The following RPS6KC1 variants were observed in gnomAD, a reference collection of about 807,000 sequenced individuals.
RPS6KC1 encodes the protein ribosomal protein S6 kinase C1.
Under a neutral mutation model 103.8 loss-of-function variants are expected in RPS6KC1, and 54 were observed. That is an observed-to-expected ratio of 0.52 (90% CI 0.42 to 0.65). The LOEUF is 0.65. RPS6KC1 is among the 30% of genes least tolerant of loss of function. RPS6KC1 has a pLI of 0.00. For missense variants in RPS6KC1, 1,151 were observed against 1,253.8 expected, an observed-to-expected ratio of 0.92 and a Z score of 1.24; for synonymous variants, 439 against 438.7, an observed-to-expected ratio of 1.00 and a Z score of -0.01.
chr1:213,695,634 A>G, the RPS6KC1 span, among the ~76,000 whole-genome samples: 3 of 152,226 alleles, frequency 2.0e-5, no homozygotes, highest in Non-Finnish European at 4.4e-5. Context: ...TCAGCATTCT[A>G]TTCCAGGACT....
chr1:213,507,154 C>T, the RPS6KC1 span, among the ~76,000 whole-genome samples: 1 of 152,238 alleles, frequency 6.6e-6, no homozygotes, highest in Middle Eastern at 3.4e-3. Context: ...TGAGTAACTT[C>T]CACAAGTACA....
chr1:213,372,920 T>C, the RPS6KC1 span, among the ~76,000 whole-genome samples: 1 of 152,178 alleles, frequency 6.6e-6, no homozygotes, highest in African/African-American at 2.4e-5. Flanking sequence ...CTCTCTCCTC[T>C]TGTTGCTTGA....
At chr1:213,383,283 C>T in the RPS6KC1 span, among the ~76,000 whole-genome samples, 2 of 152,212 alleles carry the variant, frequency 1.3e-5, no homozygotes, top group Admixed American at 1.3e-4. Flanking sequence ...GAGTCATGTG[C>T]AACCTTCCTG....
chr1:213,203,939 C>A (rs1460600417), intron 8 of RPS6KC1, among the ~76,000 whole-genome samples: 1 of 152,178 alleles, frequency 6.6e-6, no homozygotes, highest in Non-Finnish European at 1.5e-5. Context: ...AGAGCATGGT[C>A]TCAAATAAGT....
chr1:213,576,407 G>A, the RPS6KC1 span, among the ~76,000 whole-genome samples: 16 of 141,580 alleles, frequency 1.1e-4, no homozygotes, highest in African/African-American at 2.6e-4. Flanking sequence ...AAGGTTTTTC[G>A]CAACCCTGAC....
chr1:213,704,940 T>A, the RPS6KC1 span, among the ~76,000 whole-genome samples: 1 of 152,242 alleles, frequency 6.6e-6, no homozygotes, highest in African/African-American at 2.4e-5. Context: ...GCAGAGACTC[T>A]TGTTCTCTTC....
Position 213,051,493 on chromosome 1 carries a change from A to G in RPS6KC1, c.89A>G (p.Tyr30Cys). The G allele has an allele frequency of 5.0e-6, 8 of 1,612,526 alleles. No individual in the cohort carries two copies. Among genetic ancestry groups the G allele is most frequent in the Non-Finnish European group, 6.8e-6 (8 of 1,179,138 alleles). ...PQRHPRGYTV[Y>C]KVTARVVSRR... ...CGACACCCGAGGGGCTACACAGTAT[A>G]TAAGGTCACCGCCCGGGTGAGTGCC... The change falls in exon 1 of 15, where the codon TAT becomes TGT. Residue 30 changes from tyrosine (Y) to cysteine (C), a missense_variant. By Grantham distance (194) the Tyr-to-Cys change is radical. Coordinates refer to ENST00000366960, the MANE Select transcript of RPS6KC1 (RefSeq NM_012424.6).
At chr1:213,314,321 G>A in the RPS6KC1 span, among the ~76,000 whole-genome samples, 1 of 152,156 alleles carries the variant, frequency 6.6e-6, no homozygotes, top group East Asian at 1.9e-4. Flanking sequence ...AGGTACCAGA[G>A]GTTAGGACTT....
the RPS6KC1 span, among the ~76,000 whole-genome samples, chr1:213,454,620 GGT>G: frequency 6.6e-6 from 1 of 151,794 alleles, no homozygotes; most frequent in Non-Finnish European, 1.5e-5. Flanking sequence ...TTCCTTTTTT[GGT>G]GTGTGTGTGT....
chr1:213,515,095 ATTTG>A, the RPS6KC1 span, among the ~76,000 whole-genome samples: 3 of 152,034 alleles, frequency 2.0e-5, no homozygotes, highest in Non-Finnish European at 2.9e-5. Context: ...TTTCTTGTAA[ATTTG>A]TTTGAGTTCA....
At chr1:213,635,128 T>C in the RPS6KC1 span, among the ~76,000 whole-genome samples, 35 of 152,136 alleles carry the variant, frequency 2.3e-4, no homozygotes, top group South Asian at 2.1e-3. Context: ...AGGCAATAAT[T>C]AAGAGCCTAC....
chr1:213,738,373 A>G, the RPS6KC1 span, among the ~76,000 whole-genome samples: 1 of 152,208 alleles, frequency 6.6e-6, no homozygotes, highest in African/African-American at 2.4e-5. Flanking sequence ...AGAAACAAAC[A>G]TACAAGAATT....
At chr1:213,824,381 C>T in the RPS6KC1 span, among the ~76,000 whole-genome samples, 1 of 152,202 alleles carries the variant, frequency 6.6e-6, no homozygotes, top group African/African-American at 2.4e-5. Context: ...AGCTTAGCTC[C>T]ATCTGGTAAA....
the RPS6KC1 span, among the ~76,000 whole-genome samples, chr1:213,333,928 C>T: frequency 0.037 from 5,689 of 152,242 alleles, 357 homozygotes; most frequent in African/African-American, 0.13. Context: ...GTGATCCACT[C>T]GCCTTGGCCT....
chr1:213,675,556 A>G, the RPS6KC1 span, among the ~76,000 whole-genome samples: 58 of 152,268 alleles, frequency 3.8e-4, no homozygotes, highest in Non-Finnish European at 5.4e-4. Flanking sequence ...GGTATCCTGC[A>G]TACTGCTCTT....
At chr1:213,836,795 C>A in the RPS6KC1 span, among the ~76,000 whole-genome samples, 10 of 152,182 alleles carry the variant, frequency 6.6e-5, no homozygotes, top group East Asian at 1.7e-3. Flanking sequence ...TGCTCAGAAC[C>A]CTCTTAATTG....
At chr1:213,779,178 A>G in the RPS6KC1 span, among the ~76,000 whole-genome samples, 1 of 152,194 alleles carries the variant, frequency 6.6e-6, no homozygotes, top group South Asian at 2.1e-4. Flanking sequence ...AAGGATGAGA[A>G]CTTGTAAGGA....
At chr1:213,301,087 T>C in the RPS6KC1 span, among the ~76,000 whole-genome samples, 1 of 152,164 alleles carries the variant, frequency 6.6e-6, no homozygotes, top group African/African-American at 2.4e-5. Context: ...TTCATGTTTT[T>C]TCCACTCCGC....
the RPS6KC1 span, among the ~76,000 whole-genome samples, chr1:213,586,100 C>G: frequency 2.6e-5 from 4 of 152,162 alleles, no homozygotes; most frequent in Non-Finnish European, 5.9e-5. Flanking sequence ...AAGTGCATTT[C>G]CCTCCCCTCC....
Sources: gnomAD v4.1 joint callset for allele counts (sites outside exome capture counted in the v4.1 genomes callset) on GRCh38, gnomAD v4.1.1 for gene constraint, MANE v1.5 for transcripts, NCBI Gene and HGNC (gene_info 2026-07-23, HGNC 2026-07-21) for gene names.